CTNNA3: variants seen among roughly 807,000 people sequenced by gnomAD.
CTNNA3 encodes catenin alpha-3.
Under a neutral mutation model 95.7 loss-of-function variants are expected in CTNNA3, and 76 were observed. That is an observed-to-expected ratio of 0.79 (90% confidence interval 0.66 to 0.96). The LOEUF (loss-of-function observed/expected upper bound fraction) is 0.96, where lower values mean the gene tolerates loss of function less well. Ranked by LOEUF, CTNNA3 falls within the 40% of genes least tolerant of loss-of-function variation. CTNNA3 has a pLI of 0.00. For synonymous variants in CTNNA3, 431 were observed against 374.4 expected (o/e 1.15, Z -1.74); for missense variants, 1,191 against 1,089.8 (o/e 1.09, Z -1.31).
intron 6 of CTNNA3, among the ~76,000 whole-genome samples, chr10:67,189,139 C>CAAAAA (rs556316828): frequency 1.6e-5 from 2 of 121,960 alleles, no homozygotes; most frequent in African/African-American, 9.5e-5. Context: ...ACAACAACAA[C>CAAAAA]AACAAAAAAA....
chr10:66,556,098 G>A (rs1842380582), intron 10 of CTNNA3, among the ~76,000 whole-genome samples: 1 of 151,966 alleles, frequency 6.6e-6, no homozygotes, highest in Admixed American at 6.6e-5. Context: ...GTGGCCACCA[G>A]GTGTATGGAA....
chr10:67,095,858 A>G (rs1207312049), intron 7 of CTNNA3, among the ~76,000 whole-genome samples: 1 of 151,826 alleles, frequency 6.6e-6, no homozygotes, highest in African/African-American at 2.4e-5. Flanking sequence ...CATGCTGCAC[A>G]TTTACTTTTA....
At chr10:67,715,917 C>T (rs1841139797) in intron 1 of CTNNA3, among the ~76,000 whole-genome samples, 1 of 152,196 alleles carries the variant, frequency 6.6e-6, no homozygotes, top group African/African-American at 2.4e-5. Flanking sequence ...TCAAATAATA[C>T]ATGCAAATGC....
chr10:66,088,846 A>C (rs7893737), intron 14 of CTNNA3, among the ~76,000 whole-genome samples: 34,470 of 151,996 alleles, frequency 0.23, 4,008 homozygotes, highest in South Asian at 0.36. Flanking sequence ...ACTTACTATA[A>C]ATGTACATGT....
At chr10:65,995,922 G>T (rs970602057) in intron 15 of CTNNA3, among the ~76,000 whole-genome samples, 1 of 152,140 alleles carries the variant, frequency 6.6e-6, no homozygotes, top group African/African-American at 2.4e-5. Flanking sequence ...CCTGTCATTA[G>T]GCCTCCTCCA....
intron 1 of CTNNA3, among the ~76,000 whole-genome samples, chr10:67,728,173 GC>G (rs1467205271): frequency 6.8e-6 from 1 of 146,896 alleles, no homozygotes; most frequent in Non-Finnish European, 1.5e-5. Flanking sequence ...AAGAATATAA[GC>G]TGGGCCCAGT....
At chr10:67,214,548 T>TA (rs1183576941) in intron 6 of CTNNA3, among the ~76,000 whole-genome samples, 1 of 151,962 alleles carries the variant, frequency 6.6e-6, no homozygotes, top group African/African-American at 2.4e-5. Context: ...TCCTTATGTT[T>TA]ACCATTTCCT....
intron 5 of CTNNA3, among the ~76,000 whole-genome samples, chr10:67,308,156 T>C (rs1468010042): frequency 2.0e-5 from 3 of 152,184 alleles, no homozygotes; most frequent in Non-Finnish European, 4.4e-5. Flanking sequence ...TTGGCCTACA[T>C]ACTTACTGGA....
intron 7 of CTNNA3, among the ~76,000 whole-genome samples, chr10:67,105,123 C>G (rs1323149266): frequency 6.6e-6 from 1 of 151,888 alleles, no homozygotes; most frequent in Non-Finnish European, 1.5e-5. Context: ...AACTAAGACC[C>G]ATTATTAAAA....
intron 5 of CTNNA3, among the ~76,000 whole-genome samples, chr10:67,478,863 A>G (rs531270730): frequency 6.6e-6 from 1 of 151,556 alleles, no homozygotes; most frequent in African/African-American, 2.4e-5. Flanking sequence ...AAAAAACAAG[A>G]CCTATCGCTC....
At chr10:66,839,520 C>T (rs899783302) in intron 7 of CTNNA3, among the ~76,000 whole-genome samples, 1 of 151,976 alleles carries the variant, frequency 6.6e-6, no homozygotes, top group Non-Finnish European at 1.5e-5. Flanking sequence ...GACACAAAAA[C>T]TTCATAATAA....
intron 6 of CTNNA3, among the ~76,000 whole-genome samples, chr10:67,206,265 T>A (rs1295092230): frequency 6.6e-6 from 1 of 152,196 alleles, no homozygotes; most frequent in Non-Finnish European, 1.5e-5. Flanking sequence ...ATGGGTTGTG[T>A]CTCCTAAGCT....
At chr10:66,639,910 A>T (rs1341922512) in intron 9 of CTNNA3, among the ~76,000 whole-genome samples, 1 of 152,010 alleles carries the variant, frequency 6.6e-6, no homozygotes, top group Non-Finnish European at 1.5e-5. Flanking sequence ...AGGTAAGTTT[A>T]AAAAAAAGAC....
chr10:66,165,913 A>G (rs1444265446), intron 13 of CTNNA3, among the ~76,000 whole-genome samples: 1 of 151,684 alleles, frequency 6.6e-6, no homozygotes, highest in Non-Finnish European at 1.5e-5. Flanking sequence ...GATTACAGGC[A>G]CCTGCCACCA....
At chr10:67,354,357 C>T (rs563816212) in intron 5 of CTNNA3, among the ~76,000 whole-genome samples, 1 of 152,114 alleles carries the variant, frequency 6.6e-6, no homozygotes, top group Non-Finnish European at 1.5e-5. Flanking sequence ...TGTCTGAGCA[C>T]CTAGCAACTA....
chr10:66,954,673 T>C (rs1244013141), intron 7 of CTNNA3, among the ~76,000 whole-genome samples: 1 of 152,170 alleles, frequency 6.6e-6, no homozygotes, highest in Non-Finnish European at 1.5e-5. Context: ...TGGATTAAAA[T>C]CCAATGTGCT....
chr10:66,129,459 G>T (rs2082983633), intron 13 of CTNNA3, among the ~76,000 whole-genome samples: 1 of 152,128 alleles, frequency 6.6e-6, no homozygotes, highest in African/African-American at 2.4e-5. Context: ...TTTGGTGTGG[G>T]ATTGTCTGTA....
At chr10:67,049,512 T>G (rs74141773) in intron 7 of CTNNA3, among the ~76,000 whole-genome samples, 1 of 152,108 alleles carries the variant, frequency 6.6e-6, no homozygotes, top group Non-Finnish European at 1.5e-5. Context: ...ACTCACCCAG[T>G]TTACTGATAA....
intron 7 of CTNNA3, among the ~76,000 whole-genome samples, chr10:66,831,202 C>T (rs752004851): frequency 6.6e-6 from 1 of 152,036 alleles, no homozygotes; most frequent in African/African-American, 2.4e-5. Context: ...AAAATGAAAA[C>T]CTGATCATGT....
Sources: gnomAD v4.1 joint callset for allele counts (sites outside exome capture counted in the v4.1 genomes callset) on GRCh38, gnomAD v4.1.1 for gene constraint, MANE v1.5 for transcripts, NCBI Gene and HGNC (gene_info 2026-07-23, HGNC 2026-07-21) for gene names.